The following BRCA1 variants were observed in gnomAD, a reference collection of about 807,000 sequenced individuals.
The protein encoded by BRCA1 is BRCA1 DNA repair associated.
Under a neutral mutation model 173.7 loss-of-function variants are expected in BRCA1, and 140 were observed. That is an observed-to-expected ratio of 0.81 (90% confidence interval 0.70 to 0.93). BRCA1 has a LOEUF of 0.93. Among genes scored for constraint, BRCA1 ranks in the 40% least tolerant of loss-of-function variants. The pLI, the probability that BRCA1 is intolerant of heterozygous loss-of-function variation, is 0.00. For synonymous variants in BRCA1, 662 were observed against 756.0 expected, an observed-to-expected ratio of 0.88 and a Z score of 2.04; for missense variants, 1,983 against 2,172.5, an observed-to-expected ratio of 0.91 and a Z score of 1.73.
intron 1 of BRCA1, chr17:43,153,528 G>A (rs927250327): frequency 6.6e-6 from 1 of 151,750 alleles, no homozygotes; most frequent in African/African-American, 2.4e-5. Context: ...TCTCACTTCT[G>A]TAATATGCTT....
At chr17:43,122,150 A>G (rs1432308553) in intron 2 of BRCA1, among the ~76,000 whole-genome samples, 1 of 152,226 alleles carries the variant, frequency 6.6e-6, no homozygotes, top group Non-Finnish European at 1.5e-5. Context: ...AACACAACAT[A>G]CATTTTCCTT....
intron 1 of BRCA1, chr17:43,160,699 T>C (rs1243564602): frequency 6.6e-6 from 1 of 152,148 alleles, no homozygotes; most frequent in Non-Finnish European, 1.5e-5. Flanking sequence ...TAAGACAATA[T>C]GAGGGGTGGT....
intron 1 of BRCA1, among the ~76,000 whole-genome samples, chr17:43,135,450 C>T (rs1359568210): frequency 2.0e-5 from 3 of 152,326 alleles, no homozygotes; most frequent in South Asian, 2.1e-4. Context: ...CCAGTGGCTG[C>T]GACAGGGACC....
upstream of BRCA1, among the ~76,000 whole-genome samples, chr17:43,129,656 G>A (rs751913425): frequency 7.2e-5 from 11 of 152,070 alleles, no homozygotes; most frequent in Non-Finnish European, 1.5e-4. Context: ...TGTGTTTTTA[G>A]TAGAGATGGG....
chr17:43,140,711 T>G lies in BRCA1; in HGVS notation c.-19-16596A>C, dbSNP rs528401287. ...TCCCACACTGTCTCCTCAGGATGTA[T>G]TCAGATGTCCGGCCCTCTCCCTAGT... On this transcript the variant is annotated intron_variant, in intron 1 of 7. Coordinates refer to the BRCA1 transcript ENST00000634433. 7.9e-5 allele frequency among the ~76,000 whole-genome samples: 12 copies of G among 152,270 alleles called. No individual in the cohort carries two copies. The South Asian group carries it at 2.5e-3, about 32-fold the overall frequency.
chr17:43,146,299 CTTTTTTTT>C (rs774223347), intron 1 of BRCA1, among the ~76,000 whole-genome samples: 10 of 76,114 alleles, frequency 1.3e-4, no homozygotes, highest in South Asian at 1.2e-3. Context: ...ATTTTTGTTA[CTTTTTTTT>C]TTTTTTTTTT....
intron 1 of BRCA1, among the ~76,000 whole-genome samples, chr17:43,136,063 C>T (rs573591145): frequency 3.3e-5 from 5 of 152,278 alleles, no homozygotes; most frequent in South Asian, 2.1e-4. Context: ...GAGACCAAGG[C>T]GGGAGGGTCA....
chr17:43,102,429 T>G (rs2154545194), intron 6 of BRCA1, among the ~76,000 whole-genome samples: 1 of 137,794 alleles, frequency 7.3e-6, no homozygotes, highest in African/African-American at 2.7e-5. Flanking sequence ...CAATCTCGGC[T>G]CACTGCAACC....
At chr17:43,062,166 T>C (rs2051791249) in intron 18 of BRCA1, among the ~76,000 whole-genome samples, 1 of 148,678 alleles carries the variant, frequency 6.7e-6, no homozygotes, top group Admixed American at 6.8e-5. Flanking sequence ...TGATCATAGC[T>C]CACTGCAGCC....
At chr17:43,096,376 C>CAAAAAAA (rs71160005) in intron 8 of BRCA1, among the ~76,000 whole-genome samples, 14 of 74,210 alleles carry the variant, frequency 1.9e-4, no homozygotes, top group Non-Finnish European at 2.1e-4. Flanking sequence ...GACTCTGTCT[C>CAAAAAAA]AAAAAAAAAA....
chr17:43,091,516 C>A lies in BRCA1; in HGVS notation c.4015G>T (p.Glu1339Ter), dbSNP rs80357021. The A allele has an allele frequency of 6.2e-7, 1 of 1,613,866 alleles. No individual in the cohort carries two copies. The highest frequency in any genetic ancestry group is 1.7e-5 in the Admixed American group (1 of 59,988). ...CTTTCTTCATCATCTGAAACCAATT[C>A]CTTGTCACTCAGACCAACTCCCTGG... ...ESQGVGLSDK[E>*]LVSDDEERGT... The change falls in exon 10 of 23, where the codon GAA becomes TAA. Residue 1339 changes from glutamate (E) to a stop codon, truncating the protein, a stop_gained. Transcript: ENST00000357654. LOFTEE classifies it high-confidence loss of function.
chr17:43,074,635 T>C (rs2052625479), intron 13 of BRCA1, 114 bp from the exon 14 acceptor site: 1 of 1,015,904 alleles, frequency 9.8e-7, no homozygotes, highest in Admixed American at 2.1e-5. Context: ...AGATCAGAAA[T>C]GACTGGCAAA....
chr17:43,156,218 C>G (rs2056196254), intron 1 of BRCA1, among the ~76,000 whole-genome samples: 1 of 150,964 alleles, frequency 6.6e-6, no homozygotes, highest in African/African-American at 2.4e-5. Flanking sequence ...GCCTGGGCGA[C>G]AGAGTGAGAC....
intron 19 of BRCA1, among the ~76,000 whole-genome samples, chr17:43,055,198 C>CA (rs2051408006): frequency 6.6e-6 from 1 of 152,212 alleles, no homozygotes; most frequent in Non-Finnish European, 1.5e-5. Flanking sequence ...GTGAGGAAGT[C>CA]AGAGTTCTGG....
Position 43,100,644 on chromosome 17 carries a change from A to ATAT in BRCA1, c.442-765_442-764insATA, listed in dbSNP as rs1255823635. 2.9e-4 allele frequency among the ~76,000 whole-genome samples: 15 copies of ATAT among 52,162 alleles called. 1 individual carries two copies. The Admixed American group carries it at 4.2e-3, about 15-fold the overall frequency. 34.2% of individuals were successfully genotyped at this position (52,162 alleles called of 152,430 possible). ...ACATATATATATGTTATATATATAT[A>ATAT]ACATATATATAACATATATATATAT... On this transcript the variant is annotated intron_variant, in intron 6 of 22. Transcript: ENST00000357654.
intron 1 of BRCA1, among the ~76,000 whole-genome samples, chr17:43,133,384 G>A (rs1270428504): frequency 6.6e-6 from 1 of 152,138 alleles, no homozygotes; most frequent in Non-Finnish European, 1.5e-5. Flanking sequence ...GGATCTCATC[G>A]TAGAGTGACT....
At chr17:43,140,508 G>A (rs2056068007) in intron 1 of BRCA1, among the ~76,000 whole-genome samples, 1 of 152,098 alleles carries the variant, frequency 6.6e-6, no homozygotes, top group African/African-American at 2.4e-5. Flanking sequence ...GGAGTCTGGT[G>A]CTCACTCTGC....
chr17:43,097,418 A>G, intron 7 of BRCA1, 129 bp from the exon 8 acceptor site: 1 of 833,914 alleles, frequency 1.2e-6, no homozygotes, highest in Non-Finnish European at 2.0e-6. Context: ...TGGCAGGTAC[A>G]ATGCTAGTTA....
At chr17:43,128,005 C>A (rs1393998452), upstream of BRCA1, among the ~76,000 whole-genome samples, 1 of 115,654 alleles carries the variant, frequency 8.6e-6, no homozygotes, top group Admixed American at 1.3e-4. Flanking sequence ...GCCTGGGTGA[C>A]AGAGGGAGAC....
Sources: gnomAD v4.1 joint callset for allele counts (sites outside exome capture counted in the v4.1 genomes callset) on GRCh38, gnomAD v4.1.1 for gene constraint, MANE v1.5 for transcripts, NCBI Gene and HGNC (gene_info 2026-07-23, HGNC 2026-07-21) for gene names.